TMEM132D: variants seen among roughly 807,000 people sequenced by gnomAD.
The protein encoded by TMEM132D is transmembrane protein 132D, also known as mature OL transmembrane protein.
Under a neutral mutation model 62.3 loss-of-function variants are expected in TMEM132D, and 21 were observed. That is an observed-to-expected ratio of 0.34 (90% CI 0.24 to 0.49). The LOEUF (loss-of-function observed/expected upper bound fraction) is 0.49. TMEM132D is among the 20% of genes least tolerant of loss of function. The pLI is 0.99. For missense variants in TMEM132D, 1,346 were observed against 1,402.8 expected (o/e 0.96, Z 0.65); for synonymous variants, 621 against 575.6 (o/e 1.08, Z -1.13).
intron 4 of TMEM132D, among the ~76,000 whole-genome samples, chr12:129,271,611 C>A (rs1880855616): frequency 6.6e-6 from 1 of 151,602 alleles, no homozygotes; most frequent in African/African-American, 2.4e-5. Flanking sequence ...CTCCCTGTGT[C>A]CATGTGTTCT....
At chr12:129,152,980 T>G (rs1877118674) in intron 5 of TMEM132D, among the ~76,000 whole-genome samples, 2 of 152,160 alleles carry the variant, frequency 1.3e-5, no homozygotes, top group African/African-American at 4.8e-5. Context: ...CACCCGGCAC[T>G]TCCTGCCAAC....
chr12:129,792,473 T>A (rs906574773), intron 1 of TMEM132D, among the ~76,000 whole-genome samples: 1 of 152,212 alleles, frequency 6.6e-6, no homozygotes, highest in Non-Finnish European at 1.5e-5. Flanking sequence ...TCACTGAGTA[T>A]TTATTCCATG....
chr12:129,540,999 G>C (rs1261865784), intron 2 of TMEM132D, among the ~76,000 whole-genome samples: 1 of 152,172 alleles, frequency 6.6e-6, no homozygotes, highest in African/African-American at 2.4e-5. Flanking sequence ...ATATGCAGGT[G>C]AGAAGAAACA....
chr12:129,564,115 C>T (rs778127258), intron 2 of TMEM132D, among the ~76,000 whole-genome samples: 83 of 152,272 alleles, frequency 5.5e-4, no homozygotes, highest in Admixed American at 1.4e-3. Context: ...TTGTAGTGAG[C>T]ACCTAGCTGA....
At chr12:129,697,902 T>TACAC (rs36080799) in intron 2 of TMEM132D, among the ~76,000 whole-genome samples, 2,366 of 143,844 alleles carry the variant, frequency 0.016, 56 homozygotes, top group African/African-American at 0.053. Flanking sequence ...CATCACTGCT[T>TACAC]ACACACACAC....
chr12:129,291,272 A>G (rs572578560), intron 4 of TMEM132D, among the ~76,000 whole-genome samples: 8 of 152,354 alleles, frequency 5.3e-5, no homozygotes, highest in Non-Finnish European at 1.0e-4. Flanking sequence ...ATTCAGTTAA[A>G]TAATGAGGTT....
chr12:129,404,640 CGGT>C (rs1871723758), intron 3 of TMEM132D, among the ~76,000 whole-genome samples: 1 of 152,118 alleles, frequency 6.6e-6, no homozygotes, highest in African/African-American at 2.4e-5. Flanking sequence ...AGCCATCACA[CGGT>C]GAGAGTGGGA....
At chr12:129,738,732 G>A (rs1036068682) in intron 1 of TMEM132D, among the ~76,000 whole-genome samples, 2 of 152,188 alleles carry the variant, frequency 1.3e-5, no homozygotes, top group African/African-American at 4.8e-5. Flanking sequence ...AGGCGGCCCA[G>A]GACAGAAGCA....
chr12:129,339,317 G>A (rs1309906707), intron 3 of TMEM132D, among the ~76,000 whole-genome samples: 8 of 150,994 alleles, frequency 5.3e-5, no homozygotes, highest in African/African-American at 1.9e-4. Context: ...AGGAAGGGGA[G>A]GAGGAAAAGA....
chr12:129,327,593 C>CT (rs1868957699), intron 4 of TMEM132D, among the ~76,000 whole-genome samples: 1 of 152,178 alleles, frequency 6.6e-6, no homozygotes, highest in Non-Finnish European at 1.5e-5. Flanking sequence ...CACATTTGCT[C>CT]TCTGCTGTTC....
chr12:129,258,061 C>T (rs978036144), intron 4 of TMEM132D, among the ~76,000 whole-genome samples: 7 of 152,166 alleles, frequency 4.6e-5, no homozygotes, highest in East Asian at 3.9e-4. Flanking sequence ...CACCACCTTC[C>T]GTCTAAACAG....
At chr12:129,136,771 TCACCATCACCATC>T (rs1876576814) in intron 5 of TMEM132D, among the ~76,000 whole-genome samples, 1 of 107,238 alleles carries the variant, frequency 9.3e-6, no homozygotes, top group African/African-American at 3.7e-5. Context: ...ATCACCATCA[TCACCATCACCATC>T]ATCACCATCA....
intron 3 of TMEM132D, among the ~76,000 whole-genome samples, chr12:129,489,641 T>G (rs956494328): frequency 7.2e-5 from 11 of 152,356 alleles, no homozygotes; most frequent in Non-Finnish European, 1.6e-4. Context: ...TTGAGGAAAA[T>G]GGAAATCATT....
At chr12:129,418,864 C>G (rs1280829460) in intron 3 of TMEM132D, among the ~76,000 whole-genome samples, 1 of 152,060 alleles carries the variant, frequency 6.6e-6, no homozygotes, top group East Asian at 1.9e-4. Context: ...GGTAAAGATG[C>G]AGAGATACAG....
intron 2 of TMEM132D, among the ~76,000 whole-genome samples, chr12:129,675,982 G>A (rs1392304759): frequency 6.6e-6 from 1 of 152,208 alleles, no homozygotes; most frequent in Admixed American, 6.5e-5. Flanking sequence ...CTTCAAATTT[G>A]TCATGGCCTT....
intron 5 of TMEM132D, among the ~76,000 whole-genome samples, chr12:129,133,951 T>TG (rs1461535872): frequency 2.0e-5 from 3 of 152,148 alleles, no homozygotes; most frequent in Non-Finnish European, 4.4e-5. Flanking sequence ...TGCCACCTCA[T>TG]GGGGAGGGAG....
At chr12:129,080,533 G>C (rs1025417697) in intron 7 of TMEM132D, among the ~76,000 whole-genome samples, 1 of 152,184 alleles carries the variant, frequency 6.6e-6, no homozygotes, top group East Asian at 1.9e-4. Context: ...TTTCCAGAAT[G>C]GATATGTTTT....
At chr12:129,378,192 A>C (rs1226217191) in intron 3 of TMEM132D, among the ~76,000 whole-genome samples, 1 of 152,250 alleles carries the variant, frequency 6.6e-6, no homozygotes, top group Non-Finnish European at 1.5e-5. Context: ...CCTGCACCTG[A>C]AAGGGGATTG....
Position 129,607,063 on chromosome 12 carries a change from C to T in TMEM132D, c.969-75858G>A, listed in dbSNP as rs1878647030. On this transcript the variant is annotated intron_variant, in intron 2 of 8. Coordinates refer to ENST00000422113, the MANE Select transcript of TMEM132D (RefSeq NM_133448.3). ...CTGCTTAGTTTCTTTTTCTTTCTTT[C>T]TTTCTTTCTTTTTTTTTTTTGAATA... 2.1e-5 allele frequency among the ~76,000 whole-genome samples: 3 copies of T among 146,212 alleles called. No individual in the cohort carries two copies. In the Admixed American group the frequency reaches 2.1e-4, roughly 10 times the overall value.
Sources: allele counts gnomAD v4.1 joint callset (sites outside exome capture counted in the v4.1 genomes callset), GRCh38; gene constraint gnomAD v4.1.1; transcripts MANE v1.5; gene names NCBI Gene and HGNC (gene_info 2026-07-23, HGNC 2026-07-21).